The following RNF175 variants were observed in gnomAD, a reference collection of about 807,000 sequenced individuals.
RNF175 encodes the protein ring finger protein 175.
RNF175 carries 38 observed loss-of-function variants against 50.0 expected under a neutral mutation model. The observed-to-expected ratio is 0.76, with a 90% CI of 0.59 to 1.00. The LOEUF is 1.00. Among genes scored for constraint, RNF175 ranks in the 50% least tolerant of loss-of-function variants. The probability of loss-of-function intolerance (pLI) is 0.00; values close to 1 mark genes in which losing one functional copy is unlikely to be tolerated. For missense variants in RNF175, 388 were observed against 409.6 expected (o/e 0.95, Z 0.46); for synonymous variants, 155 against 146.1 (o/e 1.06, Z -0.44).
At chr4:153,725,344 T>C (rs1738636844) in intron 4 of RNF175, among the ~76,000 whole-genome samples, 1 of 152,074 alleles carries the variant, frequency 6.6e-6, no homozygotes. Flanking sequence ...AAGGCGGAAG[T>C]TTATGTTGCT....
intron 4 of RNF175, among the ~76,000 whole-genome samples, chr4:153,725,364 G>A (rs916501165): frequency 6.6e-6 from 1 of 152,160 alleles, no homozygotes; most frequent in African/African-American, 2.4e-5. Context: ...TAAAAGTGGT[G>A]ATGGTGGAGA....
chr4:153,752,759 A>T (rs1740356023), intron 1 of RNF175, among the ~76,000 whole-genome samples: 1 of 152,190 alleles, frequency 6.6e-6, no homozygotes, highest in South Asian at 2.1e-4. Context: ...AAAGCATAAC[A>T]TATGTGAGGG....
intron 6 of RNF175, 103 bp downstream of exon 6, chr4:153,720,081 T>C: frequency 1.6e-6 from 2 of 1,249,058 alleles, no homozygotes; most frequent in East Asian, 2.4e-5. Context: ...AATCAGTATA[T>C]GGAGAAAGAC....
chr4:153,753,968 A>T (rs1466361278), intron 1 of RNF175, among the ~76,000 whole-genome samples: 4 of 150,936 alleles, frequency 2.7e-5, no homozygotes, highest in African/African-American at 9.7e-5. Flanking sequence ...CAGGAGATAG[A>T]GACCATCCTG....
At chr4:153,759,744 AG>A (rs1233218275) in intron 1 of RNF175, 52 bp downstream of exon 1, 1 of 1,230,084 alleles carries the variant, frequency 8.1e-7, no homozygotes. Flanking sequence ...CACCAGCGTG[AG>A]CCCCGGGACC....
intron 3 of RNF175, among the ~76,000 whole-genome samples, chr4:153,731,685 GAGGAAGGA>G (rs200209706): frequency 1.7e-4 from 25 of 148,584 alleles, no homozygotes; most frequent in Admixed American, 4.7e-4. Context: ...GGGAGGGAGG[GAGGAAGGA>G]AGGAAGGAAG....
At chr4:153,731,513 A>C (rs889933159) in intron 3 of RNF175, among the ~76,000 whole-genome samples, 9 of 152,212 alleles carry the variant, frequency 5.9e-5, no homozygotes, top group Non-Finnish European at 1.3e-4. Flanking sequence ...GATGCTGCCC[A>C]AAAGTACCAT....
In RNF175 at chr4:153,751,357, T is replaced by C. The variant is rs986517965; in HGVS notation, c.104+81A>G. 5 of 1,001,888 alleles carry C rather than the reference T, an allele frequency of 5.0e-6. No homozygotes were observed. The South Asian group carries it at 7.4e-5, about 15-fold the overall frequency. The allele number at this position is 1,001,888 out of a possible 1,614,324, so 62.1% of individuals were successfully genotyped here. A position where few individuals can be genotyped will look rare whatever the true frequency, so the allele number is the denominator to read the frequency against. Reference sequence around the variant, plus strand: ...CCTGGAAAATTTACAAATAAAATGATGACTTCATTCATTTTCTCAACTGTT... The same window carrying C: ...CCTGGAAAATTTACAAATAAAATGACGACTTCATTCATTTTCTCAACTGTT... On this transcript the variant is annotated intron_variant, in intron 2 of 8. Transcript: ENST00000347063.
intron 2 of RNF175, 42 bp from the exon 3 acceptor site, chr4:153,748,828 C>G: frequency 6.5e-7 from 1 of 1,539,436 alleles, no homozygotes; most frequent in Non-Finnish European, 8.8e-7. Context: ...AGCCCTCAAC[C>G]TTGCGCATTT....
intron 1 of RNF175, among the ~76,000 whole-genome samples, chr4:153,754,031 G>A (rs12498155): frequency 0.64 from 96,644 of 151,158 alleles, 32,312 homozygotes; most frequent in African/African-American, 0.83. Context: ...TTAGCCTGGC[G>A]TGGTTGTAGG....
rs576853834 is a variant in RNF175 at position 153,749,929 on chromosome 4, T to C, written c.105-1143A>G. On this transcript the variant is annotated intron_variant, in intron 2 of 8. Coordinates refer to ENST00000347063, the MANE Select transcript of RNF175 (RefSeq NM_173662.4). The stretch of plus-strand genomic sequence containing the variant: ...AAATTTCTGATTTTTAAGCCACCTA[T>C]TCTGTGGTATTTTGTTATGGTATTC... Among the ~76,000 whole-genome samples, 100 of 152,316 alleles carry C rather than the reference T, an allele frequency of 6.6e-4. No homozygotes were observed. In the South Asian group the frequency reaches 0.02, roughly 30 times the overall value.
intron 1 of RNF175, among the ~76,000 whole-genome samples, chr4:153,751,891 A>G (rs192260608): frequency 3.3e-5 from 5 of 152,330 alleles, no homozygotes; most frequent in East Asian, 1.9e-4. Context: ...AATATCTCCA[A>G]TGTCAGTGAG....
intron 3 of RNF175, chr4:153,748,442 C>A (rs543105875): frequency 6.6e-6 from 3 of 454,760 alleles, no homozygotes; most frequent in East Asian, 7.2e-5. Flanking sequence ...CCCTTTTCAC[C>A]CCCCACAAGT....
intron 8 of RNF175, among the ~76,000 whole-genome samples, chr4:153,711,990 G>C (rs986163282): frequency 6.6e-6 from 1 of 152,020 alleles, no homozygotes; most frequent in African/African-American, 2.4e-5. Context: ...ATCCAGACGG[G>C]GAAATACCTA....
chr4:153,728,137 G>T, intron 4 of RNF175, 70 bp downstream of exon 4: 1 of 1,197,626 alleles, frequency 8.3e-7, no homozygotes, highest in Non-Finnish European at 1.1e-6. Context: ...CCAGGAAAAT[G>T]GCAATAAAAT....
At chr4:153,758,589 T>C (rs1445190217) in intron 1 of RNF175, among the ~76,000 whole-genome samples, 2 of 152,184 alleles carry the variant, frequency 1.3e-5, no homozygotes, top group Non-Finnish European at 2.9e-5. Context: ...ATAATCTGGG[T>C]TTGAAACCAG....
chr4:153,743,942 T>C (rs1326582498), intron 3 of RNF175, among the ~76,000 whole-genome samples: 3 of 152,090 alleles, frequency 2.0e-5, no homozygotes, highest in Non-Finnish European at 2.9e-5. Flanking sequence ...ACCCTTCAAA[T>C]GGCCACAAGT....
chr4:153,720,869 G>A (rs1738294681), intron 5 of RNF175, among the ~76,000 whole-genome samples: 1 of 152,222 alleles, frequency 6.6e-6, no homozygotes, highest in Non-Finnish European at 1.5e-5. Flanking sequence ...GATTGAGTAT[G>A]TCTGCTGTAG....
chr4:153,718,834 G>A (rs1738144934), intron 6 of RNF175, among the ~76,000 whole-genome samples: 1 of 152,186 alleles, frequency 6.6e-6, no homozygotes. Flanking sequence ...CTATGGTGGA[G>A]GGGATGGACA....
Sources: allele counts gnomAD v4.1 joint callset (sites outside exome capture counted in the v4.1 genomes callset), GRCh38; gene constraint gnomAD v4.1.1; transcripts MANE v1.5; gene names NCBI Gene and HGNC (gene_info 2026-07-23, HGNC 2026-07-21).